The following SLC46A3 variants were observed in gnomAD, a reference collection of about 807,000 sequenced individuals.
The protein encoded by SLC46A3 is solute carrier family 46 member 3, also known as lysosomal proton-coupled steroid conjugate and bile acid symporter SLC46A3.
Under a neutral mutation model 38.5 loss-of-function variants are expected in SLC46A3, and 26 were observed. The observed-to-expected ratio is 0.68, with a 90% CI of 0.49 to 0.94. The LOEUF is 0.94. Among genes scored for constraint, SLC46A3 ranks in the 40% least tolerant of loss-of-function variants. The pLI, the probability that SLC46A3 is intolerant of heterozygous loss-of-function variation, is 0.00. For missense variants in SLC46A3, 510 were observed against 544.3 expected (o/e 0.94, Z 0.63); for synonymous variants, 185 against 192.5 (o/e 0.96, Z 0.32).
At position 28,701,632 on chromosome 13, in the gene SLC46A3, A is replaced by G. The variant is rs777087442; in HGVS notation, c.1302-51T>C. On this transcript the variant is annotated intron_variant, in intron 5 of 5. Transcript: ENST00000266943. ...AAGTTGAGATTAAGACAATACATAA[A>G]TAAGTAATCTGTTTTCCAACTTTTT... 13 of 1,541,060 alleles carry G rather than the reference A, an allele frequency of 8.4e-6. No individual in the cohort carries two copies. In the South Asian group the frequency reaches 1.6e-4, roughly 19 times the overall value.
intron 2 of SLC46A3, among the ~76,000 whole-genome samples, chr13:28,716,192 T>C (rs187564983): frequency 1.1e-3 from 172 of 151,956 alleles, no homozygotes; most frequent in African/African-American, 4.0e-3. Context: ...ATAAACAAAA[T>C]AAAATAAAAA....
chr13:28,713,680 G>C, intron 2 of SLC46A3, 130 bp from the exon 3 acceptor site: 1 of 759,706 alleles, frequency 1.3e-6, no homozygotes, highest in Non-Finnish European at 2.1e-6. Flanking sequence ...GTGGATGGGC[G>C]GGACTAATAG....
chr13:28,708,595 CT>C (rs1312570829), intron 4 of SLC46A3, among the ~76,000 whole-genome samples: 1 of 147,984 alleles, frequency 6.8e-6, no homozygotes, highest in African/African-American at 2.5e-5. Flanking sequence ...TGTCATTTCA[CT>C]TTCTTTCTTT....
intron 4 of SLC46A3, among the ~76,000 whole-genome samples, chr13:28,708,346 T>C (rs2137828312): frequency 1.3e-5 from 2 of 152,328 alleles, no homozygotes; most frequent in Middle Eastern, 6.8e-3. Context: ...TATTTTATTT[T>C]GGCCACCCCA....
chr13:28,717,837 T>C lies in SLC46A3; in HGVS notation c.162A>G (p.Lys54=). The C allele has an allele frequency of 6.2e-7, 1 of 1,613,144 alleles. No individual in the cohort carries two copies. The highest frequency in any genetic ancestry group is 8.5e-7 in the Non-Finnish European group (1 of 1,179,858). Residue 54 remains lysine (K), a synonymous_variant, in exon 2 of 6, where the codon AAA becomes AAG. Transcript: ENST00000266943. ...CCTGGAATGCAAAAATTGGGCTGCT[T>C]TTGTTTTTTTCACACTCAGAAATAT... The part of the protein sequence containing the change: ...DSNISECEKN[K]SSPIFAFQEE...
At chr13:28,712,189 G>A (rs1054096566) in intron 3 of SLC46A3, among the ~76,000 whole-genome samples, 21 of 152,108 alleles carry the variant, frequency 1.4e-4, no homozygotes, top group Non-Finnish European at 2.6e-4. Context: ...TTGCCAACCA[G>A]CAATTCATCA....
Position 28,701,165 on chromosome 13 carries a change from G to A in SLC46A3, c.*332C>T. Reference sequence around the variant, plus strand: ...GTGTAAGAGCCTGGAATATGTCAGAGAGATTATTGCTTTTGACCTTATCAA... The same window carrying A: ...GTGTAAGAGCCTGGAATATGTCAGAAAGATTATTGCTTTTGACCTTATCAA... On this transcript the variant is annotated 3_prime_UTR_variant, in exon 6 of 6. Transcript: ENST00000266943. 1.4e-6 allele frequency: 2 copies of A among 1,414,316 alleles called. No homozygotes were observed. The highest frequency in any genetic ancestry group is 2.6e-5 in the East Asian group (1 of 38,960). The allele number at this position is 1,414,316 out of a possible 1,614,324, so 87.6% of individuals were successfully genotyped here.
chr13:28,705,488 GACAA>G (rs999332908), intron 4 of SLC46A3, among the ~76,000 whole-genome samples: 7 of 152,048 alleles, frequency 4.6e-5, no homozygotes, highest in East Asian at 1.9e-4. Context: ...TGAATGATAG[GACAA>G]ACATTCATAA....
chr13:28,715,524 T>G (rs1169781431), intron 2 of SLC46A3, among the ~76,000 whole-genome samples: 3 of 152,166 alleles, frequency 2.0e-5, no homozygotes, highest in Admixed American at 6.5e-5. Flanking sequence ...CTCCTACAGG[T>G]CAGCCAAAAG....
At position 28,713,558 on chromosome 13, in the gene SLC46A3, GA is replaced by G; in HGVS notation, c.190-9del. ...CACTTTTTTCTGAACTTCCTGCAAA[GA>G]AATATAAAGAAGACAATGTGTTTAC... On this transcript the variant is annotated splice_polypyrimidine_tract_variant and intron_variant, in intron 2 of 5. Transcript: ENST00000266943. 2 of 1,596,114 alleles carry G rather than the reference GA, an allele frequency of 1.3e-6. No individual in the cohort carries two copies. The highest frequency in any genetic ancestry group is 8.5e-7 in the Non-Finnish European group (1 of 1,169,752).
chr13:28,706,633 A>C (rs1885180141), intron 4 of SLC46A3, among the ~76,000 whole-genome samples: 1 of 152,150 alleles, frequency 6.6e-6, no homozygotes, highest in Admixed American at 6.5e-5. Context: ...ACTGCTTTTG[A>C]ACTCCTGGTC....
intron 4 of SLC46A3, among the ~76,000 whole-genome samples, chr13:28,707,005 A>T (rs1168142242): frequency 2.0e-5 from 3 of 152,182 alleles, no homozygotes; most frequent in Non-Finnish European, 1.5e-5. Context: ...TTCCTCAAGG[A>T]TCTAGAACTA....
At chr13:28,711,147 G>A (rs999047773) in intron 3 of SLC46A3, among the ~76,000 whole-genome samples, 5 of 152,202 alleles carry the variant, frequency 3.3e-5, no homozygotes, top group East Asian at 1.9e-4. Flanking sequence ...TCTGCTGGCC[G>A]GGCGCAGTGG....
rs775479610 is a variant in SLC46A3, at chr13:28,713,479, A to G, written c.261T>C (p.Ser87=). 2 of 1,614,066 alleles carry G rather than the reference A, an allele frequency of 1.2e-6. No homozygotes were observed. Among genetic ancestry groups the G allele is most frequent in the Non-Finnish European group, 1.7e-6 (2 of 1,179,892 alleles). ...DISGLIPGLV[S]TFILLSISDH... ...CACTAATAGACAAAAGTATGAATGT[A>G]GACACTAGACCAGGAATTAATCCAC... Residue 87 remains serine, a synonymous_variant, in exon 3 of 6, where the codon TCT becomes TCC. Coordinates refer to ENST00000266943, the MANE Select transcript of SLC46A3 (RefSeq NM_181785.4).
chr13:28,715,947 G>T (rs1221988468), intron 2 of SLC46A3, among the ~76,000 whole-genome samples: 1 of 145,142 alleles, frequency 6.9e-6, no homozygotes, highest in Non-Finnish European at 1.5e-5. Context: ...TTCAAGGCCA[G>T]CCTGGGAAAC....
At chr13:28,711,267 A>G (rs555420961) in intron 3 of SLC46A3, among the ~76,000 whole-genome samples, 15 of 152,118 alleles carry the variant, frequency 9.9e-5, no homozygotes, top group African/African-American at 3.6e-4. Flanking sequence ...TTTACTAAAA[A>G]TACAAAATTA....
chr13:28,714,456 T>TA (rs1566124433), intron 2 of SLC46A3, among the ~76,000 whole-genome samples: 1 of 151,650 alleles, frequency 6.6e-6, no homozygotes, highest in African/African-American at 2.4e-5. Flanking sequence ...AAAATAAATT[T>TA]AAAAAAACTA....
At chr13:28,707,502 A>G (rs891997926) in intron 4 of SLC46A3, among the ~76,000 whole-genome samples, 11 of 152,026 alleles carry the variant, frequency 7.2e-5, no homozygotes, top group African/African-American at 2.7e-4. Context: ...GCACATGTAT[A>G]CATATGTAAC....
chr13:28,712,902 T>C lies in SLC46A3; in HGVS notation c.838A>G (p.Ile280Val). 1 of 1,610,654 alleles carries C rather than the reference T, an allele frequency of 6.2e-7. No individual in the cohort carries two copies. The highest frequency in any genetic ancestry group is 8.5e-7 in the Non-Finnish European group (1 of 1,179,210). ...GAATCCAATTCATAAAGGATAAAAA[T>C]TGGGGCAATGCCAATTACCACAAAA... ...YFFVVIGIAP[I>V]FILYELDSPL... The change falls in exon 3 of 6, where the codon ATT (isoleucine) becomes GTT (valine). Residue 280 changes from isoleucine to valine, a missense_variant. Transcript: ENST00000266943.
Sources: allele counts gnomAD v4.1 joint callset (sites outside exome capture counted in the v4.1 genomes callset), GRCh38; gene constraint gnomAD v4.1.1; transcripts MANE v1.5; gene names NCBI Gene and HGNC (gene_info 2026-07-23, HGNC 2026-07-21).